SRRT: variants seen among roughly 807,000 people sequenced by gnomAD.
SRRT encodes the protein serrate RNA effector molecule homolog.
Under a neutral mutation model 103.2 loss-of-function variants are expected in SRRT, and 32 were observed. The observed-to-expected ratio is 0.31, with a 90% CI of 0.23 to 0.42. The LOEUF (loss-of-function observed/expected upper bound fraction) is 0.42, where lower values mean the gene tolerates loss of function less well. SRRT is among the 10% of genes least tolerant of loss of function. The probability of loss-of-function intolerance (pLI) is 1.00; values close to 1 mark genes in which losing one functional copy is unlikely to be tolerated. For missense variants in SRRT, 986 were observed against 1,207.5 expected (o/e 0.82, Z 2.72); for synonymous variants, 525 against 449.0 (o/e 1.17, Z -2.14).
rs1414240978 is a variant in SRRT at position 100,884,440 on chromosome 7, C to A, written c.830C>A (p.Ala277Glu). Residue 277 changes from alanine (A) to glutamate (E), a missense_variant, in exon 7 of 20, where the codon GCA becomes GAA. Coordinates refer to ENST00000611405, the MANE Select transcript of SRRT (RefSeq NM_015908.6). Reference sequence around the variant, plus strand: ...GAGCAGGAGGAGGAGGAGGAGCAGGCAGGAAAGCCTGGGGAGCCCAGCAAG... The same window carrying A: ...GAGCAGGAGGAGGAGGAGGAGCAGGAAGGAAAGCCTGGGGAGCCCAGCAAG... Reference protein sequence around the residue: ...ILEQEEEEEQAGKPGEPSKKE... With the variant: ...ILEQEEEEEQEGKPGEPSKKE... 6.2e-7 allele frequency: 1 copy of A among 1,613,448 alleles called. No individual in the cohort carries two copies. Among genetic ancestry groups the A allele is most frequent in the Admixed American group, 1.7e-5 (1 of 59,958 alleles).
In SRRT at chr7:100,886,826, A is replaced by G. The variant is rs770103323; in HGVS notation, c.1679A>G (p.Asn560Ser). The change falls in exon 14 of 20, where the codon AAT becomes AGT. Residue 560 changes from asparagine to serine, a missense_variant. Transcript: ENST00000611405. ...CCCTCGCAAAACCCGATCTTGAAGA[A>G]TATCACCGACTACCTGATCGAGGAA... is the stretch of plus-strand genomic sequence containing the variant. ...SLPSQNPILK[N>S]ITDYLIEEVS... The G allele has an allele frequency of 1.2e-6, 2 of 1,614,174 alleles. No homozygotes were observed. The highest frequency in any genetic ancestry group is 1.1e-5 in the South Asian group (1 of 91,088).
chr7:100,875,236 C>A lies in SRRT; in HGVS notation c.-111C>A. 3.0e-6 allele frequency: 1 copy of A among 336,436 alleles called. No homozygotes were observed. The highest frequency in any genetic ancestry group is 5.1e-6 in the Non-Finnish European group (1 of 197,804). The allele number at this position is 336,436 out of a possible 1,614,324, so 20.8% of individuals were successfully genotyped here. On this transcript the variant is annotated 5_prime_UTR_variant, in exon 1 of 20. Coordinates refer to ENST00000611405, the MANE Select transcript of SRRT (RefSeq NM_015908.6). ...CTCAAGAGCTCCGTCTCCGTCTCGC[C>A]CTCCTCGAAGTCCTCGTCGCGCGCC...
chr7:100,875,788 C>T lies in SRRT; in HGVS notation c.122+76C>T, dbSNP rs1042316590. On this transcript the variant is annotated intron_variant, in intron 2 of 19. Transcript: ENST00000611405. ...ACCCGCGTCGCTTTTCTTTCTCCCCCTTGTAATTTTTATGAGGGCGAATCC... is the reference window on the plus strand; with the variant it reads ...ACCCGCGTCGCTTTTCTTTCTCCCCTTTGTAATTTTTATGAGGGCGAATCC... 4.9e-5 allele frequency: 78 copies of T among 1,580,738 alleles called. No homozygotes were observed. In the African/African-American group the frequency reaches 8.1e-4, roughly 16 times the overall value.
chr7:100,875,786 C>A, intron 2 of SRRT, 74 bp downstream of exon 2: 1 of 1,582,570 alleles, frequency 6.3e-7, no homozygotes. Flanking sequence ...TTCTTTCTCC[C>A]CCTTGTAATT....
intron 2 of SRRT, 130 bp downstream of exon 2, chr7:100,875,842 G>C: frequency 8.2e-7 from 1 of 1,218,296 alleles, no homozygotes; most frequent in Non-Finnish European, 1.2e-6. Flanking sequence ...ACCGTTTTCT[G>C]TGGTTCAGCC....
chr7:100,878,757 C>T (rs956795961), intron 2 of SRRT, among the ~76,000 whole-genome samples: 8 of 151,774 alleles, frequency 5.3e-5, no homozygotes, highest in Non-Finnish European at 1.2e-4. Context: ...TGCAGTGGCA[C>T]GATCATGGCC....
Position 100,888,464 on chromosome 7 carries a change from C to A in SRRT, c.2556-10C>A, listed in dbSNP as rs756662583. 1 of 1,614,008 alleles carries A rather than the reference C, an allele frequency of 6.2e-7. No homozygotes were observed. Among genetic ancestry groups the A allele is most frequent in the Non-Finnish European group, 8.5e-7 (1 of 1,179,900 alleles). ...CCCTCAGCTCTCATCCTGTACCTCT[C>A]ACCTCACAGGATGGTTCGTGGAGAC... On this transcript the variant is annotated splice_polypyrimidine_tract_variant and intron_variant, in intron 19 of 19. Coordinates refer to ENST00000611405, the MANE Select transcript of SRRT (RefSeq NM_015908.6).
At position 100,885,030 on chromosome 7, in the gene SRRT, G is replaced by A. The variant is rs572333813; in HGVS notation, c.1149G>A (p.Lys383=). Residue 383 remains lysine (K), a synonymous_variant, in exon 9 of 20, where the codon AAG becomes AAA. Transcript: ENST00000611405. The surrounding 1 kb of genome is among the most constrained non-coding windows in gnomAD (Gnocchi z 4.8). The part of the protein sequence containing the change: ...ESESGQAEEE[K]EEAEEALKEK... ...AGAGCGGCCAGGCTGAGGAGGAGAAGGAGGAGGCCGGTAGGGTTTCTTTTC... is the reference window on the plus strand; with the variant it reads ...AGAGCGGCCAGGCTGAGGAGGAGAAAGAGGAGGCCGGTAGGGTTTCTTTTC... The A allele has an allele frequency of 1.2e-6, 2 of 1,613,978 alleles. No homozygotes were observed. The highest frequency in any genetic ancestry group is 1.3e-5 in the African/African-American group (1 of 75,014).
At position 100,881,363 on chromosome 7, in the gene SRRT, G is replaced by A. The variant is rs150301770; in HGVS notation, c.201G>A (p.Ser67=). 385 of 1,612,854 alleles carry A rather than the reference G, an allele frequency of 2.4e-4. No homozygotes were observed. The African/African-American group carries it at 4.0e-3, about 17-fold the overall frequency. ...DYDRNRRERF[S]PPRHELSPPQ... is the part of the protein sequence containing the mutation. Reference sequence around the variant, plus strand: ...ACCGGAATCGGCGAGAGCGCTTCTCGCCACCTCGCCACGAACTCAGCCCGC... The same window carrying A: ...ACCGGAATCGGCGAGAGCGCTTCTCACCACCTCGCCACGAACTCAGCCCGC... The change falls in exon 3 of 20, where the codon TCG becomes TCA. Residue 67 remains serine (S), a synonymous_variant. Transcript: ENST00000611405.
At chr7:100,884,702 G>A (rs747988425) in intron 7 of SRRT, 38 bp from the exon 8 acceptor site, 3 of 1,600,364 alleles carry the variant, frequency 1.9e-6, no homozygotes, top group Non-Finnish European at 2.6e-6. Context: ...AGGTGGGAGG[G>A]GAGGTTTGAC....
intron 2 of SRRT, 25 bp downstream of exon 2, chr7:100,875,737 G>T (rs976474069): frequency 9.3e-6 from 15 of 1,612,006 alleles, no homozygotes; most frequent in Non-Finnish European, 1.3e-5. Context: ...ACTTCATCTT[G>T]TCCCCGTTTC....
chr7:100,877,469 A>AAG (rs1171667563), intron 2 of SRRT, among the ~76,000 whole-genome samples: 2 of 151,522 alleles, frequency 1.3e-5, no homozygotes, highest in African/African-American at 4.9e-5. Context: ...TTCTTGATGA[A>AAG]AGAGTAAAAC....
At position 100,886,365 on chromosome 7, in the gene SRRT, A is replaced by G. The variant is rs1385135316; in HGVS notation, c.1577A>G (p.Lys526Arg). ...IVRNDIKLAA[K>R]LIHTLDDRTQ... ...CGCAACGACATCAAGCTGGCGGCCA[A>G]GCTGATCCACACGCTGGATGACAGG... is the stretch of plus-strand genomic sequence containing the variant. The change falls in exon 13 of 20, where the codon AAG becomes AGG. Residue 526 changes from lysine (K) to arginine (R), a missense_variant. By Grantham distance (26) the Lys-to-Arg change is conservative. Around this residue, in one of 6 missense-constraint regions of SRRT, gnomAD observed 349 missense variants for 446.9 expected, o/e 0.78. Coordinates refer to ENST00000611405, the MANE Select transcript of SRRT (RefSeq NM_015908.6). 5 of 1,613,696 alleles carry G rather than the reference A, an allele frequency of 3.1e-6. No homozygotes were observed. Among genetic ancestry groups the G allele is most frequent in the Non-Finnish European group, 4.2e-6 (5 of 1,180,020 alleles).
chr7:100,884,890 G>A (rs200580319), intron 8 of SRRT, 33 bp from the exon 9 acceptor site: 25 of 1,613,800 alleles, frequency 1.5e-5, no homozygotes, highest in African/African-American at 1.2e-4. Flanking sequence ...GTTCTGGCAC[G>A]CTGACTTGTC....
chr7:100,881,841 C>G (rs1789605950), intron 4 of SRRT, 36 bp downstream of exon 4: 1 of 1,560,362 alleles, frequency 6.4e-7, no homozygotes, highest in African/African-American at 1.4e-5. Flanking sequence ...GGTTGGTAGG[C>G]CTGGGGGATG....
rs560547268 is a variant in SRRT at position 100,887,239 on chromosome 7, G to A, written c.1975+39G>A. 2.5e-6 allele frequency: 4 copies of A among 1,613,036 alleles called. No homozygotes were observed. The East Asian group carries it at 8.9e-5, about 36-fold the overall frequency. On this transcript the variant is annotated intron_variant, in intron 15 of 19. Coordinates refer to ENST00000611405, the MANE Select transcript of SRRT (RefSeq NM_015908.6). The surrounding 1 kb of genome is among the most constrained non-coding windows in gnomAD (Gnocchi z 4.1). ...TCCCCTTTGTTCCCGGCTGCCCCTG[G>A]CCTTGGTCCTCCAGCCCCTTGCCAC...
Position 100,884,232 on chromosome 7 carries a change from G to A in SRRT, c.750G>A (p.Leu250=). Residue 250 remains leucine, a synonymous_variant, in exon 6 of 20, where the codon CTG becomes CTA. Coordinates refer to ENST00000611405, the MANE Select transcript of SRRT (RefSeq NM_015908.6). ...IDKADAIVKM[L]DAAVIKMEGG... ...AAGCTGATGCCATTGTCAAGATGCT[G>A]GATGCAGGTGTGCGGATTTGGAGGG... 6.2e-7 allele frequency: 1 copy of A among 1,614,170 alleles called. No homozygotes were observed. The highest frequency in any genetic ancestry group is 8.5e-7 in the Non-Finnish European group (1 of 1,180,018).
chr7:100,879,075 C>T (rs1364942050), intron 2 of SRRT, among the ~76,000 whole-genome samples: 1 of 152,116 alleles, frequency 6.6e-6, no homozygotes, highest in Admixed American at 6.6e-5. Context: ...CCCACCTCAG[C>T]CTCCCGAGTA....
In SRRT at chr7:100,888,467, C is replaced by T. The variant is rs3087504; in HGVS notation, c.2556-7C>T. On this transcript the variant is annotated splice_polypyrimidine_tract_variant and splice_region_variant and intron_variant, in intron 19 of 19. Coordinates refer to ENST00000611405, the MANE Select transcript of SRRT (RefSeq NM_015908.6). Reference sequence around the variant, plus strand: ...TCAGCTCTCATCCTGTACCTCTCACCTCACAGGATGGTTCGTGGAGACCCA... The same window carrying T: ...TCAGCTCTCATCCTGTACCTCTCACTTCACAGGATGGTTCGTGGAGACCCA... The T allele has an allele frequency of 0.48, 772,197 of 1,613,636 alleles. 193,236 individuals are homozygous for T. Among genetic ancestry groups the T allele is most frequent in the East Asian group, 0.82 (36,673 of 44,848 alleles).
Sources: gnomAD v4.1 joint callset for allele counts (sites outside exome capture counted in the v4.1 genomes callset) on GRCh38, gnomAD v4.1.1 for gene constraint, gnomAD v4.1.1 regional missense constraint, Gnocchi (gnomAD v3.1) non-coding constraint, MANE v1.5 for transcripts, NCBI Gene and HGNC (gene_info 2026-07-23, HGNC 2026-07-21) for gene names.